Variants in SHANK2 observed in about 807,000 individuals in gnomAD.
SHANK2 encodes SH3 and multiple ankyrin repeat domains protein 2.
Under a neutral mutation model 133.7 loss-of-function variants are expected in SHANK2, and 43 were observed. That is an observed-to-expected ratio of 0.32 (90% CI 0.25 to 0.41). The LOEUF is 0.41. Ranked by LOEUF, SHANK2 falls within the 10% of genes least tolerant of loss-of-function variation. SHANK2 has a pLI of 1.00. For synonymous variants in SHANK2, 1,017 were observed against 952.8 expected, an observed-to-expected ratio of 1.07 and a Z score of -1.24; for missense variants, 1,994 against 2,235.8, an observed-to-expected ratio of 0.89 and a Z score of 2.18.
chr11:70,656,391 C>T (rs1231446229), intron 17 of SHANK2, among the ~76,000 whole-genome samples: 5 of 152,116 alleles, frequency 3.3e-5, no homozygotes, highest in Admixed American at 2.6e-4. Flanking sequence ...GAAAGAAACA[C>T]CTGCCCTGCT....
chr11:70,895,955 A>G (rs1380717777), intron 11 of SHANK2, among the ~76,000 whole-genome samples: 1 of 151,960 alleles, frequency 6.6e-6, no homozygotes, highest in Non-Finnish European at 1.5e-5. Context: ...CCAGTCATCA[A>G]CACCCCCCTG....
chr11:71,238,223 C>T (rs1954847067), intron 1 of SHANK2, among the ~76,000 whole-genome samples: 1 of 152,206 alleles, frequency 6.6e-6, no homozygotes, highest in Non-Finnish European at 1.5e-5. Context: ...GTAACAGGAC[C>T]TGTGTGCAAA....
intron 24 of SHANK2, among the ~76,000 whole-genome samples, chr11:70,488,597 G>C (rs1282021679): frequency 3.9e-5 from 6 of 152,216 alleles, no homozygotes; most frequent in South Asian, 4.1e-4. Context: ...AGGGAGCCCA[G>C]GTTCCTTTAA....
chr11:70,718,744 C>T (rs535353436), intron 14 of SHANK2, among the ~76,000 whole-genome samples: 14 of 141,730 alleles, frequency 9.9e-5, no homozygotes, highest in Non-Finnish European at 1.6e-4. Context: ...CATCATGGCC[C>T]GGGACAGAAG....
intron 15 of SHANK2, 78 bp from the exon 16 acceptor site, chr11:70,661,756 G>A (rs781990167): frequency 6.2e-7 from 1 of 1,614,072 alleles, no homozygotes; most frequent in Admixed American, 1.7e-5. Context: ...CGCCGGGGAC[G>A]TTCATCATCA....
At chr11:71,069,232 C>T (rs1350309109) in intron 9 of SHANK2, among the ~76,000 whole-genome samples, 2 of 152,100 alleles carry the variant, frequency 1.3e-5, no homozygotes, top group African/African-American at 2.4e-5. Context: ...TGACCACCAC[C>T]ATCACCATTA....
intron 17 of SHANK2, among the ~76,000 whole-genome samples, chr11:70,635,796 C>T (rs950137401): frequency 6.6e-5 from 10 of 151,704 alleles, no homozygotes; most frequent in East Asian, 1.9e-4. Flanking sequence ...GAGCAAATGG[C>T]GGCTGTGATC....
At chr11:70,776,824 A>T (rs1555043987) in intron 14 of SHANK2, among the ~76,000 whole-genome samples, 1 of 150,554 alleles carries the variant, frequency 6.6e-6, no homozygotes, top group Non-Finnish European at 1.5e-5. Context: ...CCATCCCTTA[A>T]CCACTCATCC....
chr11:70,485,765 T>C lies in SHANK2; in HGVS notation c.4528A>G (p.Ile1510Val). The C allele has an allele frequency of 6.2e-7, 1 of 1,613,946 alleles. No homozygotes were observed. The highest frequency in any genetic ancestry group is 8.5e-7 in the Non-Finnish European group (1 of 1,180,014). The change falls in exon 25 of 26, where the codon ATC (isoleucine) becomes GTC (valine). Residue 1510 changes from isoleucine (I) to valine (V), a missense_variant. Physicochemically the swap from Ile to Val is conservative, Grantham distance 29 (BLOSUM62 3). Transcript: ENST00000601538. The surrounding 1 kb of genome is among the most constrained non-coding windows in gnomAD (Gnocchi z 5.8). ...GTGGAGATGCTAGACACGGTGGAGA[T>C]AGTGCTGGTCGTCTCGAGGTGGTGG... ...SDHHLETTST[I>V]STVSSISTLS...
At chr11:71,097,852 A>T (rs550506922) in intron 6 of SHANK2, among the ~76,000 whole-genome samples, 23 of 152,354 alleles carry the variant, frequency 1.5e-4, no homozygotes, top group African/African-American at 5.5e-4. Context: ...ACGCCAGTGT[A>T]TGTGTGCACA....
chr11:70,500,788 G>A lies in SHANK2; in HGVS notation c.2288-198C>T, dbSNP rs111908400. On this transcript the variant is annotated intron_variant, in intron 20 of 25. Transcript: ENST00000601538. This position sits in a 1 kb window ranked among gnomAD's most constrained non-coding sequence, Gnocchi z 4.5. The stretch of plus-strand genomic sequence containing the variant: ...GGCTTTCCCCAAACCTTGGCTGCCC[G>A]CACAACTCTGTCCTGTCTGCCCTGC... 4.7e-3 allele frequency: 3,524 copies of A among 747,150 alleles called. 83 individuals carry two copies. The African/African-American group carries it at 0.051, about 11-fold the overall frequency. The allele number at this position is 747,150 out of a possible 1,614,324, so 46.3% of individuals were successfully genotyped here.
chr11:70,914,259 G>A (rs1950236732), intron 10 of SHANK2, among the ~76,000 whole-genome samples: 1 of 152,202 alleles, frequency 6.6e-6, no homozygotes, highest in South Asian at 2.1e-4. Context: ...ATGGGGTTCC[G>A]CTGAGACACA....
chr11:70,518,237 A>C (rs1554970425), intron 17 of SHANK2, among the ~76,000 whole-genome samples: 1 of 152,168 alleles, frequency 6.6e-6, no homozygotes, highest in African/African-American at 2.4e-5. Flanking sequence ...CTATGAAAAG[A>C]CAGAGACTCT....
chr11:70,852,406 G>A (rs1949100091), intron 11 of SHANK2, among the ~76,000 whole-genome samples: 1 of 152,240 alleles, frequency 6.6e-6, no homozygotes, highest in Non-Finnish European at 1.5e-5. Flanking sequence ...AAAGGGTGTT[G>A]TGTTTGTGGG....
intron 25 of SHANK2, among the ~76,000 whole-genome samples, chr11:70,483,344 A>G (rs1395323662): frequency 2.6e-5 from 4 of 152,140 alleles, no homozygotes; most frequent in Non-Finnish European, 4.4e-5. Context: ...TTGCTTCCAC[A>G]TAGAGTAATG....
chr11:70,759,685 C>G (rs4980640), intron 14 of SHANK2, among the ~76,000 whole-genome samples: 1 of 152,078 alleles, frequency 6.6e-6, no homozygotes, highest in Non-Finnish European at 1.5e-5. Flanking sequence ...CTGTGTGAGG[C>G]AAGGGTGAAG....
chr11:71,103,922 CCTCTCT>C (rs143494541), intron 6 of SHANK2, among the ~76,000 whole-genome samples: 6 of 137,962 alleles, frequency 4.3e-5, no homozygotes, highest in Admixed American at 7.5e-5. Context: ...TGCACCTGCT[CCTCTCT>C]CTCTCTCTCT....
intron 11 of SHANK2, among the ~76,000 whole-genome samples, chr11:70,822,304 C>T (rs547203102): frequency 7.2e-5 from 11 of 152,386 alleles, no homozygotes; most frequent in African/African-American, 2.6e-4. Flanking sequence ...AGAGAAAACA[C>T]GTGTCCTCCC....
chr11:70,528,621 GC>G (rs1304458850), intron 17 of SHANK2, among the ~76,000 whole-genome samples: 1 of 152,104 alleles, frequency 6.6e-6, no homozygotes, highest in African/African-American at 2.4e-5. Flanking sequence ...GCAGAAGCAG[GC>G]CCGGCAGAGC....
Sources: allele counts gnomAD v4.1 joint callset (sites outside exome capture counted in the v4.1 genomes callset), GRCh38; gene constraint gnomAD v4.1.1; non-coding constraint Gnocchi (gnomAD v3.1); transcripts MANE v1.5; gene names NCBI Gene and HGNC (gene_info 2026-07-23, HGNC 2026-07-21).